The following PAMR1 variants were observed in gnomAD, a reference collection of about 807,000 sequenced individuals.
PAMR1 encodes inactive serine protease PAMR1.
PAMR1 carries 88 observed loss-of-function variants against 81.8 expected under a neutral mutation model. The ratio of observed to expected loss-of-function variants is 1.08; its 90% confidence interval spans 0.91 to 1.28. The LOEUF (loss-of-function observed/expected upper bound fraction) is 1.28, where lower values mean the gene tolerates loss of function less well. Ranked by LOEUF, PAMR1 falls within the 50% of genes most tolerant of loss-of-function variation. The probability of loss-of-function intolerance (pLI) is 0.00; values close to 1 mark genes in which losing one functional copy is unlikely to be tolerated. For missense variants in PAMR1, 935 were observed against 919.7 expected (o/e 1.02, Z -0.21); for synonymous variants, 336 against 345.3 (o/e 0.97, Z 0.30).
intron 3 of PAMR1, among the ~76,000 whole-genome samples, chr11:35,487,503 G>A (rs946014051): frequency 6.6e-6 from 1 of 152,216 alleles, no homozygotes; most frequent in African/African-American, 2.4e-5. Context: ...CTTCCAGAGA[G>A]CATCAGCCAA....
At chr11:35,433,467 T>C (rs1180477425) in intron 10 of PAMR1, among the ~76,000 whole-genome samples, 1 of 152,236 alleles carries the variant, frequency 6.6e-6, no homozygotes, top group East Asian at 1.9e-4. Context: ...TGGTCATGCC[T>C]TTTGATGGGA....
At chr11:35,473,180 T>A (rs1481588404) in intron 4 of PAMR1, among the ~76,000 whole-genome samples, 1 of 152,120 alleles carries the variant, frequency 6.6e-6, no homozygotes, top group Non-Finnish European at 1.5e-5. Context: ...CTGCTGGGCT[T>A]TGGGGCTGAA....
At chr11:35,484,122 C>G (rs1850453621) in intron 3 of PAMR1, among the ~76,000 whole-genome samples, 1 of 152,158 alleles carries the variant, frequency 6.6e-6, no homozygotes, top group Admixed American at 6.5e-5. Context: ...ACTCTATCCA[C>G]CATTTATTGA....
At chr11:35,460,341 T>C (rs1468504457) in intron 6 of PAMR1, among the ~76,000 whole-genome samples, 2 of 152,054 alleles carry the variant, frequency 1.3e-5, no homozygotes, top group East Asian at 3.8e-4. Context: ...ACTTTTTTTC[T>C]ATACTTTAAG....
At position 35,432,186 on chromosome 11, in the gene PAMR1, C is replaced by G. The variant is rs944613249; in HGVS notation, c.*170G>C. On this transcript the variant is annotated 3_prime_UTR_variant, in exon 11 of 11. Transcript: ENST00000619888. ...AGTAGTGGACGCGGCATCAGCCTAC[C>G]AGCAATGGAGGTCTACTCACCCTTC... 3.0e-5 allele frequency: 19 copies of G among 623,152 alleles called. No individual in the cohort carries two copies. The Middle Eastern group carries it at 1.7e-3, about 56-fold the overall frequency. 38.6% of individuals were successfully genotyped at this position (623,152 alleles called of 1,614,324 possible). A position where few individuals can be genotyped will look rare whatever the true frequency, so the allele number is the denominator to read the frequency against.
Position 35,432,253 on chromosome 11 carries a change from A to G in PAMR1, c.*103T>C, listed in dbSNP as rs1161813902. The G allele has an allele frequency of 3.5e-6, 4 of 1,141,248 alleles. No homozygotes were observed. The highest frequency in any genetic ancestry group is 3.8e-6 in the Non-Finnish European group (3 of 797,904). 70.7% of individuals were successfully genotyped at this position (1,141,248 alleles called of 1,614,324 possible). A position where few individuals can be genotyped will look rare whatever the true frequency, so the allele number is the denominator to read the frequency against. On this transcript the variant is annotated 3_prime_UTR_variant, in exon 11 of 11. Coordinates refer to ENST00000619888, the MANE Select transcript of PAMR1 (RefSeq NM_001001991.3). ...GAAGTCAGAAGCCCTGGCACAGCCA[A>G]GTTCACAGGCCAAATCACACTTCAG...
At position 35,432,576 on chromosome 11, in the gene PAMR1, A is replaced by G. The variant is rs376867555; in HGVS notation, c.1943T>C (p.Phe648Ser). The change falls in exon 11 of 11, where the codon TTC becomes TCC. Residue 648 changes from phenylalanine (F) to serine (S), a missense_variant. Phe to Ser is a radical substitution (Grantham distance 155). Coordinates refer to ENST00000619888, the MANE Select transcript of PAMR1 (RefSeq NM_001001991.3). ...GGCAGTGGGTTCCCAGCTGGCACAG[A>G]ACATGTTATCAGTGACACTCACTGG... ...GIPVSVTDNMFCASWEPTAPS... is the reference protein window; with the variant it reads ...GIPVSVTDNMSCASWEPTAPS... 6.2e-7 allele frequency: 1 copy of G among 1,614,192 alleles called. No individual in the cohort carries two copies. Among genetic ancestry groups the G allele is most frequent in the South Asian group, 1.1e-5 (1 of 91,082 alleles).
chr11:35,525,898 G>T, upstream of PAMR1: 1 of 452,812 alleles, frequency 2.2e-6, no homozygotes, highest in South Asian at 2.5e-5. Context: ...TACAGGTGGG[G>T]TCCCAGTGTT....
Position 35,479,536 on chromosome 11 carries a change from T to C in PAMR1, c.380-4792A>G, listed in dbSNP as rs141612729. 1.3e-3 allele frequency among the ~76,000 whole-genome samples: 201 copies of C among 152,270 alleles called. 1 individual carries two copies. Among genetic ancestry groups the C allele is most frequent in the African/African-American group, 4.5e-3 (189 of 41,554 alleles). ...TCTTGTCTGGATCTGAGGCACTGAT[T>C]GTTTTGGTCCAGGAATCACAGGGGA... On this transcript the variant is annotated intron_variant, in intron 3 of 10. Coordinates refer to ENST00000619888, the MANE Select transcript of PAMR1 (RefSeq NM_001001991.3).
intron 1 of PAMR1, among the ~76,000 whole-genome samples, chr11:35,508,516 ATTTTTTTTTT>A (rs59836040): frequency 1.1e-4 from 11 of 98,052 alleles, no homozygotes; most frequent in African/African-American, 3.3e-4. Context: ...AGGAACCTCC[ATTTTTTTTTT>A]TTTTTTTTTT....
chr11:35,488,164 C>T (rs1371141144), intron 3 of PAMR1, among the ~76,000 whole-genome samples: 2 of 149,494 alleles, frequency 1.3e-5, no homozygotes, highest in East Asian at 3.9e-4. Flanking sequence ...ACTTTACTCA[C>T]ATTAGCTTAA....
At chr11:35,445,539 T>C (rs1044378381) in intron 6 of PAMR1, among the ~76,000 whole-genome samples, 3 of 152,218 alleles carry the variant, frequency 2.0e-5, no homozygotes, top group African/African-American at 7.2e-5. Context: ...TGAGAGTTTT[T>C]AACATGAAGG....
intron 6 of PAMR1, among the ~76,000 whole-genome samples, chr11:35,451,585 GT>G (rs952777004): frequency 2.0e-5 from 3 of 152,108 alleles, no homozygotes; most frequent in African/African-American, 7.2e-5. Context: ...CCATTATTTG[GT>G]TTTAAGTTAT....
At chr11:35,457,604 C>A (rs563114476) in intron 6 of PAMR1, among the ~76,000 whole-genome samples, 1 of 152,138 alleles carries the variant, frequency 6.6e-6, no homozygotes, top group Non-Finnish European at 1.5e-5. Context: ...CAAGGAAACA[C>A]CTTCATGAGG....
At chr11:35,465,611 A>G (rs1856743247) in intron 6 of PAMR1, among the ~76,000 whole-genome samples, 1 of 152,218 alleles carries the variant, frequency 6.6e-6, no homozygotes, top group Non-Finnish European at 1.5e-5. Context: ...AATTTCCTAG[A>G]AGGAAAAATG....
In PAMR1 at chr11:35,450,499, A is replaced by C. The variant is rs55634527; in HGVS notation, c.821-8806T>G. Among the ~76,000 whole-genome samples the C allele has an allele frequency of 5.6e-3, 851 of 152,358 alleles. 2 individuals carry two copies. The highest frequency in any genetic ancestry group is 0.014 in the Middle Eastern group (4 of 294). The stretch of plus-strand genomic sequence containing the variant: ...GTGGACTCACAAAACTCCAGTGCTT[A>C]CATTTTCAGAAATGCCTCCATGATG... On this transcript the variant is annotated intron_variant, in intron 6 of 10. Coordinates refer to ENST00000619888, the MANE Select transcript of PAMR1 (RefSeq NM_001001991.3).
intron 1 of PAMR1, among the ~76,000 whole-genome samples, chr11:35,503,968 T>C (rs1850902919): frequency 6.6e-6 from 1 of 152,152 alleles, no homozygotes; most frequent in African/African-American, 2.4e-5. Flanking sequence ...AGGGAAACCT[T>C]TCCATTTTTT....
At chr11:35,463,239 G>C (rs1204281244) in intron 6 of PAMR1, among the ~76,000 whole-genome samples, 1 of 152,104 alleles carries the variant, frequency 6.6e-6, no homozygotes, top group East Asian at 1.9e-4. Context: ...CAGGCCTTGG[G>C]ACAGGCCAGT....
chr11:35,458,816 G>C (rs571968500), intron 6 of PAMR1, among the ~76,000 whole-genome samples: 11 of 152,324 alleles, frequency 7.2e-5, no homozygotes, highest in African/African-American at 2.6e-4. Context: ...CATGAGGCCA[G>C]CTCTTACAGA....
Sources: gnomAD v4.1 joint callset for allele counts (sites outside exome capture counted in the v4.1 genomes callset) on GRCh38, gnomAD v4.1.1 for gene constraint, MANE v1.5 for transcripts, NCBI Gene and HGNC (gene_info 2026-07-23, HGNC 2026-07-21) for gene names.